The following HBS1L variants were observed in gnomAD, a reference collection of about 807,000 sequenced individuals.
The protein encoded by HBS1L is HBS1 like translational GTPase, also known as HBS1-like protein.
HBS1L carries 55 observed loss-of-function variants against 88.9 expected under a neutral mutation model. The observed-to-expected ratio is 0.62, with a 90% CI of 0.50 to 0.77. The LOEUF (loss-of-function observed/expected upper bound fraction) is 0.77. HBS1L is among the 30% of genes least tolerant of loss of function. The pLI, the probability that HBS1L is intolerant of heterozygous loss-of-function variation, is 0.00. For synonymous variants in HBS1L, 267 were observed against 288.5 expected (o/e 0.93, Z 0.76); for missense variants, 741 against 829.3 (o/e 0.89, Z 1.31).
rs924242334 is a variant in HBS1L at position 134,964,477 on chromosome 6, G to C, written c.*802C>G. On this transcript the variant is annotated 3_prime_UTR_variant, in exon 18 of 18. Coordinates refer to ENST00000367837, the MANE Select transcript of HBS1L (RefSeq NM_006620.4). ...AAGTTATGGTTAAAAAAATGAATGA[G>C]ATGAAATTGGATCTGCCATTAGGAT... 3 of 152,080 alleles carry C rather than the reference G, an allele frequency of 2.0e-5. No individual in the cohort carries two copies. Among genetic ancestry groups the C allele is most frequent in the Non-Finnish European group, 2.9e-5 (2 of 68,010 alleles). The allele number at this position is 152,080 out of a possible 1,614,324, so 9.4% of individuals were successfully genotyped here. A position where few individuals can be genotyped will look rare whatever the true frequency, so the allele number is the denominator to read the frequency against.
intron 4 of HBS1L, among the ~76,000 whole-genome samples, chr6:135,018,075 G>A (rs1410936016): frequency 6.6e-6 from 1 of 151,390 alleles, no homozygotes; most frequent in African/African-American, 2.4e-5. Context: ...CAATATGCCA[G>A]TACATACAGA....
chr6:134,967,358 G>T (rs1293215267), intron 16 of HBS1L, among the ~76,000 whole-genome samples: 2 of 152,158 alleles, frequency 1.3e-5, no homozygotes, highest in African/African-American at 4.8e-5. Flanking sequence ...TCCAAATATT[G>T]GTTTTGGACA....
rs72972193 is a variant in HBS1L, at chr6:135,028,770, T to C, written c.430+10803A>G. Among the ~76,000 whole-genome samples, 63 of 152,272 alleles carry C rather than the reference T, an allele frequency of 4.1e-4. 1 individual carries two copies. The highest frequency in any genetic ancestry group is 4.0e-4 in the Non-Finnish European group (27 of 67,986). On this transcript the variant is annotated intron_variant, in intron 4 of 17. Transcript: ENST00000367837. ...CTACTAAGATAATAATAATGTCTAA[T>C]GTTATCTAAAGCCTTTGGCATCTCT...
At chr6:135,042,761 C>G (rs1330071039) in intron 2 of HBS1L, among the ~76,000 whole-genome samples, 1 of 148,830 alleles carries the variant, frequency 6.7e-6, no homozygotes, top group African/African-American at 2.5e-5. Flanking sequence ...TGCAGTGAGC[C>G]GAGATCACGC....
intron 4 of HBS1L, among the ~76,000 whole-genome samples, chr6:135,031,813 G>T (rs568192347): frequency 1.3e-5 from 2 of 151,206 alleles, no homozygotes; most frequent in African/African-American, 2.4e-5. Flanking sequence ...AAATAAATAC[G>T]CATTTTATCA....
chr6:135,032,524 A>C (rs1583139818), intron 4 of HBS1L, among the ~76,000 whole-genome samples: 1 of 152,166 alleles, frequency 6.6e-6, no homozygotes, highest in East Asian at 1.9e-4. Flanking sequence ...AAACTATTAT[A>C]AAACTGACTT....
intron 5 of HBS1L, among the ~76,000 whole-genome samples, chr6:134,998,318 A>T (rs1775349255): frequency 6.6e-6 from 1 of 152,252 alleles, no homozygotes; most frequent in African/African-American, 2.4e-5. Flanking sequence ...AAGGAGAAAC[A>T]AGACTGCCCA....
At chr6:134,997,071 A>G in intron 6 of HBS1L, 129 bp from the exon 7 acceptor site, 1 of 730,838 alleles carries the variant, frequency 1.4e-6, no homozygotes, top group Non-Finnish European at 2.2e-6. Flanking sequence ...ATCAAATGAC[A>G]GTTAAAACAT....
intron 4 of HBS1L, among the ~76,000 whole-genome samples, chr6:135,023,240 C>T (rs9376081): frequency 0.13 from 20,231 of 151,962 alleles, 1,596 homozygotes; most frequent in East Asian, 0.27. Context: ...GTCAGGAGAT[C>T]GAGACCATCC....
intron 4 of HBS1L, among the ~76,000 whole-genome samples, chr6:135,019,508 A>AT (rs1215166592): frequency 6.6e-6 from 1 of 151,930 alleles, no homozygotes; most frequent in African/African-American, 2.4e-5. Context: ...AATATTCTGT[A>AT]TATTTAGGTG....
chr6:134,969,247 T>C lies in HBS1L; in HGVS notation c.1889A>G (p.Lys630Arg), dbSNP rs1774412312. ...LNKSTGEVTK[K>R]KPKFLTKGQN... ...GTATTAAAACACTCACTTAGGCTTTTTCTTTGTGACTTCACCCGTGCTTTT... is the reference window on the plus strand; with the variant it reads ...GTATTAAAACACTCACTTAGGCTTTCTCTTTGTGACTTCACCCGTGCTTTT... The change falls in exon 16 of 18, where the codon AAA becomes AGA. Residue 630 changes from lysine (K) to arginine (R), a missense_variant. Lys to Arg is a conservative substitution (Grantham distance 26, BLOSUM62 2). Around this residue, in one of 3 missense-constraint regions of HBS1L, gnomAD observed 181 missense variants for 212.7 expected, o/e 0.85. Transcript: ENST00000367837. 1.2e-6 allele frequency: 2 copies of C among 1,609,176 alleles called. No homozygotes were observed. Among genetic ancestry groups the C allele is most frequent in the East Asian group, 4.5e-5 (2 of 44,824 alleles).
In HBS1L at chr6:134,997,616, G is replaced by A; in HGVS notation, c.580C>T (p.Gln194Ter). The A allele has an allele frequency of 1.2e-6, 2 of 1,613,938 alleles. No individual in the cohort carries two copies. The highest frequency in any genetic ancestry group is 1.3e-5 in the African/African-American group (1 of 75,016). The change falls in exon 6 of 18, where the codon CAA (glutamine) becomes TAA (stop). Residue 194 changes from glutamine to a stop codon, truncating the protein, a stop_gained. Coordinates refer to ENST00000367837, the MANE Select transcript of HBS1L (RefSeq NM_006620.4). LOFTEE classifies it high-confidence loss of function. ...GCATCTTCAATGGGCGGTCCTTTTTGAGGTGTGTGGAAACTATGACCATTT... is the reference window on the plus strand; with the variant it reads ...GCATCTTCAATGGGCGGTCCTTTTTAAGGTGTGTGGAAACTATGACCATTT... Reference protein sequence around the residue: ...EENGHSFHTPQKGPPIEDAIA... With the variant: ...EENGHSFHTP
chr6:135,008,956 A>C (rs1328703943), intron 4 of HBS1L, among the ~76,000 whole-genome samples: 1 of 152,098 alleles, frequency 6.6e-6, no homozygotes, highest in Non-Finnish European at 1.5e-5. Flanking sequence ...TATTGTCTTT[A>C]TAAGTTATCT....
intron 12 of HBS1L, among the ~76,000 whole-genome samples, chr6:134,984,496 G>C (rs1275402496): frequency 6.6e-6 from 1 of 152,194 alleles, no homozygotes. Flanking sequence ...GTCAGGGCAT[G>C]TGCGCAGGTA....
intron 4 of HBS1L, chr6:135,035,749 T>G (rs1776520797): frequency 2.1e-5 from 1 of 48,334 alleles, no homozygotes; most frequent in Non-Finnish European, 2.7e-5. Flanking sequence ...AGACTCTGTC[T>G]CAAAAAAAAA....
Position 134,985,922 on chromosome 6 carries a change from C to T in HBS1L, c.1423+144G>A, listed in dbSNP as rs1774965688. 5 of 590,724 alleles carry T rather than the reference C, an allele frequency of 8.5e-6. No individual in the cohort carries two copies. The East Asian group carries it at 1.5e-4, about 17-fold the overall frequency. The allele number at this position is 590,724 out of a possible 1,614,324, so 36.6% of individuals were successfully genotyped here. A position where few individuals can be genotyped will look rare whatever the true frequency, so the allele number is the denominator to read the frequency against. On this transcript the variant is annotated intron_variant, in intron 11 of 17. Transcript: ENST00000367837. ...AGCACTAGACAGGTTAAGTATTGCA[C>T]ATGATGACAAAACAGGTAACTTAGT... is the stretch of plus-strand genomic sequence containing the variant.
At chr6:135,022,358 ACT>A (rs1253715691) in intron 4 of HBS1L, among the ~76,000 whole-genome samples, 6 of 151,934 alleles carry the variant, frequency 3.9e-5, no homozygotes, top group Non-Finnish European at 7.4e-5. Context: ...TCAAAAGAAG[ACT>A]CTATATTTAA....
chr6:135,004,870 C>T (rs897470475), intron 4 of HBS1L, among the ~76,000 whole-genome samples: 7 of 152,010 alleles, frequency 4.6e-5, no homozygotes, highest in African/African-American at 1.4e-4. Flanking sequence ...TAGATACAGG[C>T]GAGACCACCA....
rs925736321 is a variant in HBS1L, at chr6:134,961,205, T to C, written c.*4074A>G. On this transcript the variant is annotated 3_prime_UTR_variant, in exon 18 of 18. Coordinates refer to ENST00000367837, the MANE Select transcript of HBS1L (RefSeq NM_006620.4). ...GGATTATCAGAGTAACAAAATAATG[T>C]AGTCCCTTTATGGACTATAAGTAAC... is the stretch of plus-strand genomic sequence containing the variant. 1 of 151,928 alleles carries C rather than the reference T, an allele frequency of 6.6e-6. No individual in the cohort carries two copies. Among genetic ancestry groups the C allele is most frequent in the Non-Finnish European group, 1.5e-5 (1 of 68,004 alleles). 9.4% of individuals were successfully genotyped at this position (151,928 alleles called of 1,614,324 possible).
Sources: gnomAD v4.1 joint callset for allele counts (sites outside exome capture counted in the v4.1 genomes callset) on GRCh38, gnomAD v4.1.1 for gene constraint, gnomAD v4.1.1 regional missense constraint, MANE v1.5 for transcripts, NCBI Gene and HGNC (gene_info 2026-07-23, HGNC 2026-07-21) for gene names.